The following GRIK1 variants were observed in gnomAD, a reference collection of about 807,000 sequenced individuals.
The protein encoded by GRIK1 is glutamate ionotropic receptor kainate type subunit 1, also known as glutamate receptor ionotropic, kainate 1.
In GRIK1, 69 loss-of-function variants were observed where a neutral mutation model predicts 105.7. The ratio of observed to expected loss-of-function variants is 0.65; its 90% CI spans 0.54 to 0.80. The LOEUF is 0.80. GRIK1 is among the 30% of genes least tolerant of loss of function. The pLI is 0.00. For missense variants in GRIK1, 1,109 were observed against 1,167.3 expected (o/e 0.95, Z 0.73); for synonymous variants, 438 against 431.3 (o/e 1.02, Z -0.19).
intron 1 of GRIK1, among the ~76,000 whole-genome samples, chr21:29,769,612 G>A (rs2065762661): frequency 6.6e-6 from 1 of 152,264 alleles, no homozygotes; most frequent in Admixed American, 6.5e-5. Context: ...GCGGAGCTCA[G>A]GTGGTAATGC....
At chr21:29,558,376 T>TCA (rs35594883) in intron 15 of GRIK1, among the ~76,000 whole-genome samples, 95,157 of 146,854 alleles carry the variant, frequency 0.65, 31,747 homozygotes, top group Middle Eastern at 0.82. Flanking sequence ...TATATATATT[T>TCA]CACACACACA....
At chr21:29,596,687 T>C in intron 8 of GRIK1, 117 bp from the exon 9 acceptor site, 1 of 782,332 alleles carries the variant, frequency 1.3e-6, no homozygotes, top group Non-Finnish European at 2.3e-6. Context: ...CACCCATTGT[T>C]TGGAATTTGC....
chr21:29,575,170 ATAGTTAATTCCTATTTTT>A (rs1221656770), intron 14 of GRIK1, among the ~76,000 whole-genome samples: 1 of 152,174 alleles, frequency 6.6e-6, no homozygotes, highest in Admixed American at 6.5e-5. Context: ...AACTTATTGT[ATAGTTAATTCCTATTTTT>A]GTGAACCAAT....
chr21:29,830,231 G>T lies in GRIK1; in HGVS notation c.118+109152C>A, dbSNP rs969553510. ...TTTGTATGTGTGTGAGAGTGTCTGT[G>T]TGTCTGTGTGTTGTTTGTGTTTTTC... On this transcript the variant is annotated intron_variant, in intron 1 of 17. Coordinates refer to ENST00000327783, the MANE Select transcript of GRIK1 (RefSeq NM_001330994.2). 2.0e-5 allele frequency among the ~76,000 whole-genome samples: 3 copies of T among 151,890 alleles called. No homozygotes were observed. The East Asian group carries it at 5.8e-4, about 29-fold the overall frequency.
intron 6 of GRIK1, 151 bp downstream of exon 6, chr21:29,650,967 C>T: frequency 1.8e-6 from 1 of 565,448 alleles, no homozygotes; most frequent in Non-Finnish European, 3.0e-6. Context: ...CACAGCCTTT[C>T]AAATTACCTA....
At chr21:29,606,701 A>C (rs1256809619) in intron 7 of GRIK1, among the ~76,000 whole-genome samples, 2 of 151,890 alleles carry the variant, frequency 1.3e-5, no homozygotes, top group Non-Finnish European at 2.9e-5. Flanking sequence ...AAAACAAAAA[A>C]AACAAAAAAA....
intron 2 of GRIK1, among the ~76,000 whole-genome samples, chr21:29,693,343 C>T (rs190518777): frequency 6.6e-6 from 1 of 152,254 alleles, no homozygotes; most frequent in Admixed American, 6.5e-5. Flanking sequence ...TTAGGCTAGG[C>T]ACTTGGCTTC....
chr21:29,780,723 C>T (rs970724313), intron 1 of GRIK1, among the ~76,000 whole-genome samples: 1 of 152,172 alleles, frequency 6.6e-6, no homozygotes, highest in Non-Finnish European at 1.5e-5. Context: ...AGATATTGTT[C>T]TTAATTGCAG....
intron 1 of GRIK1, among the ~76,000 whole-genome samples, chr21:29,894,587 C>T (rs976361593): frequency 6.6e-6 from 1 of 152,052 alleles, no homozygotes; most frequent in Non-Finnish European, 1.5e-5. Context: ...ATGTTAATCT[C>T]CTTTGGCGAC....
intron 1 of GRIK1, among the ~76,000 whole-genome samples, chr21:29,839,745 T>A (rs908657409): frequency 6.6e-5 from 10 of 152,152 alleles, no homozygotes; most frequent in African/African-American, 2.4e-4. Context: ...TCTAGAAGAA[T>A]TTAGGGTAAA....
intron 1 of GRIK1, among the ~76,000 whole-genome samples, chr21:29,736,979 C>T (rs77968683): frequency 0.02 from 3,015 of 152,032 alleles, 114 homozygotes; most frequent in African/African-American, 0.07. Flanking sequence ...ATGCTCAACC[C>T]GACATTTTCA....
chr21:29,734,230 T>C (rs1330050406), intron 1 of GRIK1, among the ~76,000 whole-genome samples: 1 of 152,138 alleles, frequency 6.6e-6, no homozygotes, highest in Non-Finnish European at 1.5e-5. Flanking sequence ...GGCCTTCCTT[T>C]CTAGAATTAT....
At chr21:29,797,362 T>G (rs551459046) in intron 1 of GRIK1, among the ~76,000 whole-genome samples, 1 of 152,204 alleles carries the variant, frequency 6.6e-6, no homozygotes, top group Non-Finnish European at 1.5e-5. Context: ...GGAGTTGTCA[T>G]GTGTACAAAT....
At chr21:29,831,839 A>G (rs1452300908) in intron 1 of GRIK1, among the ~76,000 whole-genome samples, 1 of 152,114 alleles carries the variant, frequency 6.6e-6, no homozygotes, top group Admixed American at 6.6e-5. Flanking sequence ...ATCCCATCCC[A>G]ACAGTTCCCC....
At chr21:29,650,515 C>T (rs1226804311) in intron 6 of GRIK1, among the ~76,000 whole-genome samples, 1 of 152,208 alleles carries the variant, frequency 6.6e-6, no homozygotes, top group African/African-American at 2.4e-5. Flanking sequence ...GGGAGAAGCT[C>T]TCTGATGAGG....
chr21:29,923,302 G>T lies in GRIK1; in HGVS notation c.118+16081C>A, dbSNP rs866205718. Reference sequence around the variant, plus strand: ...CTCAGGCAGCTATAAAGGAGAATTTGTACTTCTGCATAATATCTAATGTAC... The same window carrying T: ...CTCAGGCAGCTATAAAGGAGAATTTTTACTTCTGCATAATATCTAATGTAC... On this transcript the variant is annotated intron_variant, in intron 1 of 17. Transcript: ENST00000327783. 2.0e-5 allele frequency among the ~76,000 whole-genome samples: 3 copies of T among 152,044 alleles called. No individual in the cohort carries two copies. The South Asian group carries it at 6.2e-4, about 32-fold the overall frequency.
chr21:29,823,163 C>A (rs1291175207), intron 1 of GRIK1, among the ~76,000 whole-genome samples: 1 of 151,904 alleles, frequency 6.6e-6, no homozygotes, highest in Non-Finnish European at 1.5e-5. Flanking sequence ...CAATTATTTA[C>A]TCCAATATTG....
chr21:29,757,743 A>G lies in GRIK1; in HGVS notation c.119-63680T>C, dbSNP rs187839198. ...TCTGCATTAATGATATTTTGGGTTG[A>G]AAAATTTTATACTGTGGAAGACAGT... is the stretch of plus-strand genomic sequence containing the variant. On this transcript the variant is annotated intron_variant, in intron 1 of 17. Transcript: ENST00000327783. Among the ~76,000 whole-genome samples the G allele has an allele frequency of 4.7e-4, 71 of 152,302 alleles. 1 individual carries two copies. In the Middle Eastern group the frequency reaches 0.014, roughly 29 times the overall value.
Position 29,939,604 on chromosome 21 carries a change from G to C in GRIK1, c.-104C>G. The C allele has an allele frequency of 4.4e-6, 3 of 675,872 alleles. No homozygotes were observed. The highest frequency in any genetic ancestry group is 6.2e-5 in the East Asian group (2 of 32,216). 41.9% of individuals were successfully genotyped at this position (675,872 alleles called of 1,614,324 possible). On this transcript the variant is annotated 5_prime_UTR_variant, in exon 1 of 18. Coordinates refer to ENST00000327783, the MANE Select transcript of GRIK1 (RefSeq NM_001330994.2). The stretch of plus-strand genomic sequence containing the variant: ...CCGCCTCATCCTCTCTGGATGCTCC[G>C]GTTCCAAGCACGCTGCGCGCTCCCC...
Sources: gnomAD v4.1 joint callset for allele counts (sites outside exome capture counted in the v4.1 genomes callset) on GRCh38, gnomAD v4.1.1 for gene constraint, MANE v1.5 for transcripts, NCBI Gene and HGNC (gene_info 2026-07-23, HGNC 2026-07-21) for gene names.